Variants in CAPN13 observed in about 807,000 individuals in gnomAD.
CAPN13 encodes calpain 13.
A neutral mutation model predicts 98.4 loss-of-function variants in CAPN13; 90 were observed. The ratio of observed to expected loss-of-function variants is 0.92; its 90% CI spans 0.77 to 1.09. CAPN13 has a LOEUF of 1.09. Ranked by LOEUF, CAPN13 falls within the 50% of genes least tolerant of loss-of-function variation. CAPN13 has a pLI of 0.00. For missense variants in CAPN13, 887 were observed against 841.3 expected, an observed-to-expected ratio of 1.05 and a Z score of -0.67; for synonymous variants, 330 against 305.5, an observed-to-expected ratio of 1.08 and a Z score of -0.84.
chr2:30,777,624 G>T lies in CAPN13; in HGVS notation c.214C>A (p.Pro72Thr). 1.3e-6 allele frequency: 2 copies of T among 1,576,788 alleles called. No homozygotes were observed. The highest frequency in any genetic ancestry group is 1.7e-6 in the Non-Finnish European group (2 of 1,159,532). The change falls in exon 3 of 23, where the codon CCT becomes ACT. Residue 72 changes from proline (P) to threonine (T), a missense_variant. Transcript: ENST00000295055. ...ATATCATCCAGGATGAAGTGAGGAG[G>T]ACCCCCTGGTAGATCCTTTAGGAAA... ...WKRPQDLPGG[P>T]PHFILDDISR...
At chr2:30,729,873 G>C (rs1286755369) in intron 22 of CAPN13, 27 of 152,178 alleles carry the variant, frequency 1.8e-4, no homozygotes, top group Admixed American at 1.8e-3. Flanking sequence ...CATAGAGAAT[G>C]GTCACCAGGA....
intron 11 of CAPN13, chr2:30,746,666 G>C (rs902384440): frequency 1.0e-5 from 2 of 200,924 alleles, no homozygotes; most frequent in Non-Finnish European, 2.1e-5. Context: ...GATCAATGAG[G>C]ATAACCTCAA....
chr2:30,802,081 C>A (rs888787115), intron 1 of CAPN13, among the ~76,000 whole-genome samples: 1 of 152,168 alleles, frequency 6.6e-6, no homozygotes, highest in South Asian at 2.1e-4. Flanking sequence ...CCAGTCTGTG[C>A]CTGGCCATTC....
chr2:30,753,373 G>A (rs1485531958), intron 9 of CAPN13, among the ~76,000 whole-genome samples, 175 bp from the exon 10 acceptor site: 1 of 152,144 alleles, frequency 6.6e-6, no homozygotes, highest in Non-Finnish European at 1.5e-5. Flanking sequence ...GTGGCTGGGA[G>A]GGCAAGGCAA....
intron 10 of CAPN13, among the ~76,000 whole-genome samples, chr2:30,751,680 T>C (rs557928515): frequency 2.8e-4 from 42 of 152,140 alleles, no homozygotes; most frequent in Non-Finnish European, 5.4e-4. Context: ...AGCATGCTTA[T>C]CAAAGCCAGA....
chr2:30,784,095 G>A (rs11686300), intron 2 of CAPN13, among the ~76,000 whole-genome samples: 75,152 of 151,574 alleles, frequency 0.5, 19,776 homozygotes, highest in South Asian at 0.65. Context: ...CAGGAGAATC[G>A]CTTGAACCCA....
chr2:30,748,294 C>T (rs1297924773), intron 11 of CAPN13, among the ~76,000 whole-genome samples: 3 of 152,144 alleles, frequency 2.0e-5, no homozygotes, highest in African/African-American at 7.2e-5. Flanking sequence ...GCTGGAAAAT[C>T]TGAGGGTCCT....
intron 2 of CAPN13, among the ~76,000 whole-genome samples, chr2:30,786,541 G>A (rs1232500900): frequency 6.6e-6 from 1 of 152,174 alleles, no homozygotes; most frequent in Admixed American, 6.5e-5. Flanking sequence ...TGGAGTCAGG[G>A]AGGTCTGAAT....
At chr2:30,777,425 G>A (rs1673758250) in intron 3 of CAPN13, 142 bp downstream of exon 3, 1 of 697,294 alleles carries the variant, frequency 1.4e-6, no homozygotes, top group Non-Finnish European at 2.5e-6. Flanking sequence ...GCAGGCTGCA[G>A]GACTGGGCGT....
Position 30,753,195 on chromosome 2 carries a change from C to T in CAPN13, c.945G>A (p.Met315Ile), listed in dbSNP as rs1227202238. ...ATTTCTGTTGGAAATCTTGACACGA[C>T]ATCCTGTTAAAAACAGATATACATC... is the stretch of plus-strand genomic sequence containing the variant. ...HKKREDGEFW[M>I]SCQDFQQKFI... The change falls in exon 10 of 23, where the codon ATG (methionine) becomes ATA (isoleucine). Residue 315 changes from methionine (M) to isoleucine (I), a missense_variant. Physicochemically the swap from Met to Ile is conservative, Grantham distance 10. Transcript: ENST00000295055. 5 of 1,614,014 alleles carry T rather than the reference C, an allele frequency of 3.1e-6. No homozygotes were observed. The highest frequency in any genetic ancestry group is 4.2e-6 in the Non-Finnish European group (5 of 1,179,860).
At chr2:30,750,334 G>A (rs1241266235) in intron 11 of CAPN13, among the ~76,000 whole-genome samples, 1 of 152,042 alleles carries the variant, frequency 6.6e-6, no homozygotes. Flanking sequence ...AGGGAGCGGG[G>A]CAGAAAAGAT....
intron 1 of CAPN13, among the ~76,000 whole-genome samples, chr2:30,796,633 G>T (rs1004669859): frequency 1.3e-5 from 2 of 152,058 alleles, no homozygotes; most frequent in African/African-American, 4.8e-5. Context: ...AATTCTAAAT[G>T]ACTTCAAAAC....
rs1278641493 is a variant in CAPN13 at position 30,763,139 on chromosome 2, C to T, written c.717G>A (p.Gln239=). 6.2e-7 allele frequency: 1 copy of T among 1,611,246 alleles called. No homozygotes were observed. The highest frequency in any genetic ancestry group is 1.3e-5 in the African/African-American group (1 of 74,922). Residue 239 remains glutamine, a synonymous_variant, in exon 7 of 23, where the codon CAG becomes CAA. Transcript: ENST00000295055. ...ATPSGPTDTA[Q]AMENGLVSLH... ...GACTCACCAGCCCATTCTCCATCGCCTGTGCTGTATCTGTTGGCTTCAAGG... is the reference window on the plus strand; with the variant it reads ...GACTCACCAGCCCATTCTCCATCGCTTGTGCTGTATCTGTTGGCTTCAAGG...
chr2:30,763,208 GA>G, intron 6 of CAPN13, 52 bp from the exon 7 acceptor site: 2 of 1,525,706 alleles, frequency 1.3e-6, no homozygotes, highest in African/African-American at 2.7e-5. Flanking sequence ...GTTCTTCAAA[GA>G]AATAGAAAAA....
chr2:30,766,545 G>A (rs984622817), intron 5 of CAPN13, among the ~76,000 whole-genome samples: 1 of 152,210 alleles, frequency 6.6e-6, no homozygotes, highest in Non-Finnish European at 1.5e-5. Context: ...TTTGCTGACA[G>A]GAAGTAGAAA....
At chr2:30,801,642 A>G (rs957724140) in intron 1 of CAPN13, among the ~76,000 whole-genome samples, 1 of 137,738 alleles carries the variant, frequency 7.3e-6, no homozygotes, top group Admixed American at 6.9e-5. Context: ...AAGAAGAAGA[A>G]AAAGAAAATG....
chr2:30,766,569 G>GAA (rs1673122204), intron 5 of CAPN13, among the ~76,000 whole-genome samples: 1 of 152,174 alleles, frequency 6.6e-6, no homozygotes, highest in South Asian at 2.1e-4. Flanking sequence ...GAGAGAGAGA[G>GAA]AACTGTGTTC....
chr2:30,759,328 C>T (rs1187767697), intron 7 of CAPN13, among the ~76,000 whole-genome samples: 3 of 152,156 alleles, frequency 2.0e-5, no homozygotes, highest in Non-Finnish European at 4.4e-5. Context: ...CCTTTGCTCC[C>T]TCACACCGCT....
intron 2 of CAPN13, 136 bp from the exon 3 acceptor site, chr2:30,777,775 C>G: frequency 1.4e-6 from 1 of 727,654 alleles, no homozygotes; most frequent in Non-Finnish European, 2.4e-6. Context: ...GAAAGTTCAC[C>G]ACGTTCTTCA....
Sources: gnomAD v4.1 joint callset for allele counts (sites outside exome capture counted in the v4.1 genomes callset) on GRCh38, gnomAD v4.1.1 for gene constraint, MANE v1.5 for transcripts, NCBI Gene and HGNC (gene_info 2026-07-23, HGNC 2026-07-21) for gene names.